GNAI2: variants seen among roughly 807,000 people sequenced by gnomAD.
GNAI2 encodes G protein subunit alpha i2, also known as guanine nucleotide-binding protein G(i) subunit alpha-2.
GNAI2 carries 4 observed loss-of-function variants against 36.8 expected under a neutral mutation model. The ratio of observed to expected loss-of-function variants is 0.11; its 90% confidence interval spans 0.05 to 0.25. GNAI2 has a LOEUF of 0.25. GNAI2 is among the 10% of genes least tolerant of loss of function. The pLI, the probability that GNAI2 is intolerant of heterozygous loss-of-function variation, is 1.00. For synonymous variants in GNAI2, 194 were observed against 194.1 expected (o/e 1.00, Z 0.01); for missense variants, 230 against 481.3 (o/e 0.48, Z 4.89).
chr3:50,251,520 A>C, intron 1 of GNAI2: 1 of 1,124,408 alleles, frequency 8.9e-7, no homozygotes, highest in Non-Finnish European at 1.1e-6. Flanking sequence ...CTAGCCTTCT[A>C]GCCTCCATCT....
chr3:50,253,203 TGGGCAGGGCA>T lies in GNAI2; in HGVS notation c.464+28_464+37del. 6.3e-7 allele frequency: 1 copy of T among 1,587,544 alleles called. No individual in the cohort carries two copies. The highest frequency in any genetic ancestry group is 8.6e-7 in the Non-Finnish European group (1 of 1,158,736). ...CTGCCTAGTGAGTGCTCTGAGGGGC[TGGGCAGGGCA>T]GGGCAGGGGCTGGGGGAGGACTAAA... On this transcript the variant is annotated intron_variant, in intron 4 of 8. Transcript: ENST00000313601. The surrounding 1 kb of genome is among the most constrained non-coding windows in gnomAD (Gnocchi z 4.2).
chr3:50,257,885 G>A, intron 8 of GNAI2, 171 bp downstream of exon 8: 1 of 539,364 alleles, frequency 1.9e-6, no homozygotes. Context: ...GGTCAAGTGA[G>A]TGAGGTGCAG....
Position 50,253,214 on chromosome 3 carries a change from G to A in GNAI2, c.464+30G>A. 1 of 1,576,508 alleles carries A rather than the reference G, an allele frequency of 6.3e-7. No individual in the cohort carries two copies. The highest frequency in any genetic ancestry group is 1.1e-5 in the South Asian group (1 of 89,444). The stretch of plus-strand genomic sequence containing the variant: ...GTGCTCTGAGGGGCTGGGCAGGGCA[G>A]GGCAGGGGCTGGGGGAGGACTAAAG... On this transcript the variant is annotated intron_variant, in intron 4 of 8. Transcript: ENST00000313601. The surrounding 1 kb of genome is among the most constrained non-coding windows in gnomAD (Gnocchi z 4.2).
At position 50,236,274 on chromosome 3, in the gene GNAI2, G is replaced by C. The variant is rs1553700337; in HGVS notation, c.-62G>C. On this transcript the variant is annotated 5_prime_UTR_variant, in exon 1 of 9. Coordinates refer to ENST00000313601, the MANE Select transcript of GNAI2 (RefSeq NM_002070.4). This position sits in a 1 kb window ranked among gnomAD's most constrained non-coding sequence, Gnocchi z 4.0. Reference sequence around the variant, plus strand: ...TGGTGGGAGCGGAGTGGGTCGGGCGGGGCCGAGCCGGGCCGTGGGCCGTGT... The same window carrying C: ...TGGTGGGAGCGGAGTGGGTCGGGCGCGGCCGAGCCGGGCCGTGGGCCGTGT... 1.6e-6 allele frequency: 2 copies of C among 1,236,446 alleles called. No individual in the cohort carries two copies. Among genetic ancestry groups the C allele is most frequent in the Non-Finnish European group, 1.0e-6 (1 of 989,402 alleles). The allele number at this position is 1,236,446 out of a possible 1,614,324, so 76.6% of individuals were successfully genotyped here.
Position 50,256,918 on chromosome 3 carries a change from C to G in GNAI2, c.724-19C>G. 1.2e-6 allele frequency: 2 copies of G among 1,613,946 alleles called. No individual in the cohort carries two copies. Among genetic ancestry groups the G allele is most frequent in the Non-Finnish European group, 1.7e-6 (2 of 1,179,852 alleles). Reference sequence around the variant, plus strand: ...TTGGGGAGTGGTGGCTAGCGTTGACCTTGCTATTCTACCCCCAGAACCGCA... The same window carrying G: ...TTGGGGAGTGGTGGCTAGCGTTGACGTTGCTATTCTACCCCCAGAACCGCA... On this transcript the variant is annotated intron_variant, in intron 6 of 8. Coordinates refer to ENST00000313601, the MANE Select transcript of GNAI2 (RefSeq NM_002070.4).
At chr3:50,237,421 G>T (rs1394911325) in intron 1 of GNAI2, among the ~76,000 whole-genome samples, 1 of 152,238 alleles carries the variant, frequency 6.6e-6, no homozygotes, top group Non-Finnish European at 1.5e-5. Context: ...CTAGAGGAGT[G>T]GGGGGAAGTG....
At chr3:50,236,163 C>T, upstream of GNAI2, 2 of 1,164,050 alleles carry the variant, frequency 1.7e-6, no homozygotes, top group Non-Finnish European at 2.1e-6. The surrounding 1 kb of genome is among the most constrained non-coding windows in gnomAD (Gnocchi z 4.0). Context: ...CCCCGGCCCG[C>T]CCCGCCGTCG....
intron 1 of GNAI2, among the ~76,000 whole-genome samples, chr3:50,246,146 C>T (rs1700415427): frequency 6.6e-6 from 1 of 152,220 alleles, no homozygotes; most frequent in African/African-American, 2.4e-5. Flanking sequence ...GGGCGGGGCT[C>T]AGAGGGCCTT....
At chr3:50,246,873 C>G (rs1279255008) in intron 1 of GNAI2, 31 of 1,428,142 alleles carry the variant, frequency 2.2e-5, no homozygotes, top group Non-Finnish European at 2.6e-5. Flanking sequence ...GACGACACAG[C>G]GGAAAGCCAA....
At position 50,253,837 on chromosome 3, in the gene GNAI2, G is replaced by A. The variant is rs1700623470; in HGVS notation, c.464+653G>A. Among the ~76,000 whole-genome samples the A allele has an allele frequency of 1.3e-5, 2 of 152,332 alleles. No individual in the cohort carries two copies. Among genetic ancestry groups the A allele is most frequent in the South Asian group, 4.1e-4 (2 of 4,828 alleles). ...TGACAATTTAGGGTGTTAGTGAAAA[G>A]GTAGAGGTGGAGTTGGCCCAGAGAC... On this transcript the variant is annotated intron_variant, in intron 4 of 8. Transcript: ENST00000313601. The surrounding 1 kb of genome is among the most constrained non-coding windows in gnomAD (Gnocchi z 4.2).
upstream of GNAI2, among the ~76,000 whole-genome samples, chr3:50,231,381 C>T (rs1168029736): frequency 2.0e-5 from 3 of 152,204 alleles, no homozygotes; most frequent in African/African-American, 7.2e-5. Context: ...TGGGTTCAAG[C>T]GATTGTCCTG....
At position 50,255,867 on chromosome 3, in the gene GNAI2, A is replaced by C. The variant is rs1242314015; in HGVS notation, c.465-325A>C. 6.6e-6 allele frequency among the ~76,000 whole-genome samples: 1 copy of C among 151,990 alleles called. No individual in the cohort carries two copies. Among genetic ancestry groups the C allele is most frequent in the Non-Finnish European group, 1.5e-5 (1 of 67,968 alleles). ...AGAGGTCAAGACCATCCTGGCCAACATGGTGAAACCCCGTCTCTACTAAAA... is the reference window on the plus strand; with the variant it reads ...AGAGGTCAAGACCATCCTGGCCAACCTGGTGAAACCCCGTCTCTACTAAAA... On this transcript the variant is annotated intron_variant, in intron 4 of 8. Coordinates refer to ENST00000313601, the MANE Select transcript of GNAI2 (RefSeq NM_002070.4). The surrounding 1 kb of genome is among the most constrained non-coding windows in gnomAD (Gnocchi z 4.0).
upstream of GNAI2, among the ~76,000 whole-genome samples, chr3:50,232,584 C>T (rs587648870): frequency 6.6e-6 from 1 of 152,324 alleles, no homozygotes; most frequent in African/African-American, 2.4e-5. Flanking sequence ...AACTGCCAGC[C>T]TACAGCCTCC....
upstream of GNAI2, chr3:50,229,125 A>T (rs1330720787): frequency 6.6e-6 from 1 of 152,210 alleles, no homozygotes; most frequent in Non-Finnish European, 1.5e-5. Flanking sequence ...GGGAGAGGCT[A>T]CCAGCCCCAG....
Position 50,256,741 on chromosome 3 carries a change from T to C in GNAI2, c.612T>C (p.Gly204=). The C allele has an allele frequency of 3.1e-6, 5 of 1,614,124 alleles. No homozygotes were observed. Among genetic ancestry groups the C allele is most frequent in the Non-Finnish European group, 4.2e-6 (5 of 1,179,986 alleles). Residue 204 remains glycine (G), a synonymous_variant, in exon 6 of 9, where the codon GGT becomes GGC. Coordinates refer to ENST00000313601, the MANE Select transcript of GNAI2 (RefSeq NM_002070.4). The part of the protein sequence containing the change: ...DLHFKMFDVG[G]QRSERKKWIH... ...TCTGCAGGATGTTTGATGTGGGTGG[T>C]CAGCGGTCTGAGCGGAAGAAGTGGA...
At chr3:50,247,775 G>C (rs182882461) in intron 1 of GNAI2, among the ~76,000 whole-genome samples, 1 of 152,386 alleles carries the variant, frequency 6.6e-6, no homozygotes, top group Non-Finnish European at 1.5e-5. Flanking sequence ...GGTGGGAAGA[G>C]GTGTGACTCA....
chr3:50,257,135 T>A (rs781853132), intron 7 of GNAI2, 45 bp downstream of exon 7: 3 of 1,570,426 alleles, frequency 1.9e-6, no homozygotes, highest in Middle Eastern at 3.4e-4. Flanking sequence ...TTGCTTCTTG[T>A]CCCAAGTAGC....
chr3:50,252,541 A>G lies in GNAI2; in HGVS notation c.303+3A>G. Reference sequence around the variant, plus strand: ...ACTTTGCCGACCCCTCCAGAGCGGTATGTGCCCTCCGCCCCACCCTCTCCC... The same window carrying G: ...ACTTTGCCGACCCCTCCAGAGCGGTGTGTGCCCTCCGCCCCACCCTCTCCC... On this transcript the variant is annotated splice_donor_region_variant and intron_variant, in intron 3 of 8. Coordinates refer to ENST00000313601, the MANE Select transcript of GNAI2 (RefSeq NM_002070.4). The surrounding 1 kb of genome is among the most constrained non-coding windows in gnomAD (Gnocchi z 4.1). 1 of 1,611,734 alleles carries G rather than the reference A, an allele frequency of 6.2e-7. No individual in the cohort carries two copies. The highest frequency in any genetic ancestry group is 8.5e-7 in the Non-Finnish European group (1 of 1,178,708).
At chr3:50,230,942 C>T (rs1553699737) in exon 1 of GNAI2, 3 of 985,364 alleles carry the variant, frequency 3.0e-6, no homozygotes, top group Non-Finnish European at 3.6e-6. Flanking sequence ...TCACTGATGA[C>T]TGTGACTGGC....
Sources: allele counts gnomAD v4.1 joint callset (sites outside exome capture counted in the v4.1 genomes callset), GRCh38; gene constraint gnomAD v4.1.1; non-coding constraint Gnocchi (gnomAD v3.1); transcripts MANE v1.5; gene names NCBI Gene and HGNC (gene_info 2026-07-23, HGNC 2026-07-21).